The following ROBO1 variants were observed in gnomAD, a reference collection of about 807,000 sequenced individuals.
The protein encoded by ROBO1 is roundabout guidance receptor 1, also known as roundabout homolog 1.
A neutral mutation model predicts 195.9 loss-of-function variants in ROBO1; 149 were observed. The ratio of observed to expected loss-of-function variants is 0.76; its 90% CI spans 0.67 to 0.87. The LOEUF is 0.87. Ranked by LOEUF, ROBO1 falls within the 40% of genes least tolerant of loss-of-function variation. The pLI is 0.00. For missense variants in ROBO1, 1,933 were observed against 2,068.3 expected, an observed-to-expected ratio of 0.93 and a Z score of 1.27; for synonymous variants, 816 against 733.2, an observed-to-expected ratio of 1.11 and a Z score of -1.82.
chr3:79,325,254 G>C (rs143131163), intron 2 of ROBO1, among the ~76,000 whole-genome samples: 8 of 152,160 alleles, frequency 5.3e-5, no homozygotes, highest in African/African-American at 1.9e-4. Flanking sequence ...TGAACTTCTT[G>C]GAATACTGCT....
chr3:79,282,840 T>C (rs1200981650), intron 2 of ROBO1, among the ~76,000 whole-genome samples: 1 of 152,128 alleles, frequency 6.6e-6, no homozygotes, highest in East Asian at 1.9e-4. Flanking sequence ...AAACCAGAGA[T>C]ACTACTCCTG....
chr3:79,385,609 C>T (rs2036715119), intron 2 of ROBO1, among the ~76,000 whole-genome samples: 1 of 152,052 alleles, frequency 6.6e-6, no homozygotes, highest in Non-Finnish European at 1.5e-5. Context: ...TCAGTTGTGA[C>T]CTTAAAACTT....
At chr3:79,476,285 T>C (rs1938542705) in intron 2 of ROBO1, among the ~76,000 whole-genome samples, 1 of 152,136 alleles carries the variant, frequency 6.6e-6, no homozygotes, top group South Asian at 2.1e-4. Context: ...TTTGCACTGC[T>C]GGTGGGAATG....
intron 2 of ROBO1, among the ~76,000 whole-genome samples, chr3:79,525,014 A>G (rs1477318483): frequency 6.6e-6 from 1 of 151,942 alleles, no homozygotes; most frequent in Non-Finnish European, 1.5e-5. Flanking sequence ...AGTTTCAGAC[A>G]TATCTATTAA....
At chr3:78,746,075 G>T (rs1028231239) in intron 5 of ROBO1, among the ~76,000 whole-genome samples, 1 of 152,138 alleles carries the variant, frequency 6.6e-6, no homozygotes, top group Non-Finnish European at 1.5e-5. Flanking sequence ...GGTGACTGAG[G>T]TGCTTTAGCC....
At position 78,627,347 on chromosome 3, in the gene ROBO1, GC is replaced by G; in HGVS notation, c.3848del (p.Gly1283AlafsTer14). On this transcript the variant is annotated frameshift_variant, in exon 26 of 31. Transcript: ENST00000464233. LOFTEE classifies it high-confidence loss of function. ...PMLQDCPEETGHMQHQPDRRR... is the reference protein window; with the variant it reads ...PMLQDCPEETXHMQHQPDRRR... Reference sequence around the variant, plus strand: ...TCCTGTCGGGCTGGTGCTGCATGTGGCCAGTCTCCTCTGGACAATCCTGTAA... The same window carrying G: ...TCCTGTCGGGCTGGTGCTGCATGTGGCAGTCTCCTCTGGACAATCCTGTAA... 6.2e-7 allele frequency: 1 copy of G among 1,612,508 alleles called. No homozygotes were observed. Among genetic ancestry groups the G allele is most frequent in the Non-Finnish European group, 8.5e-7 (1 of 1,179,250 alleles).
chr3:78,737,176 T>A (rs942923335), intron 5 of ROBO1, among the ~76,000 whole-genome samples: 3 of 152,146 alleles, frequency 2.0e-5, no homozygotes, highest in African/African-American at 7.2e-5. Context: ...TCACCCAAAA[T>A]ACCCCTAGTG....
chr3:78,607,366 C>G (rs1703528753), intron 28 of ROBO1: 1 of 235,850 alleles, frequency 4.2e-6, no homozygotes, highest in South Asian at 7.8e-5. Flanking sequence ...GCATGCACCA[C>G]CACACCTGGC....
chr3:78,768,892 G>C (rs9637502), intron 4 of ROBO1, among the ~76,000 whole-genome samples: 1 of 145,086 alleles, frequency 6.9e-6, no homozygotes, highest in South Asian at 2.2e-4. Flanking sequence ...TCCCACCTAT[G>C]AGTGAGAATA....
At chr3:79,025,803 A>G (rs1003853358) in intron 3 of ROBO1, among the ~76,000 whole-genome samples, 1 of 152,160 alleles carries the variant, frequency 6.6e-6, no homozygotes. Flanking sequence ...AACATTCACA[A>G]GAAGCAAACC....
intron 1 of ROBO1, among the ~76,000 whole-genome samples, chr3:79,713,545 A>G (rs1389802466): frequency 6.6e-6 from 1 of 152,142 alleles, no homozygotes; most frequent in South Asian, 2.1e-4. Flanking sequence ...AAATAACAAT[A>G]GAACTAGAAT....
intron 30 of ROBO1, among the ~76,000 whole-genome samples, chr3:78,599,193 TGTTGA>T (rs994512733): frequency 4.3e-4 from 65 of 152,210 alleles, no homozygotes; most frequent in African/African-American, 1.4e-3. Context: ...GGAAGGAATG[TGTTGA>T]GTTATCTAAT....
intron 2 of ROBO1, among the ~76,000 whole-genome samples, chr3:79,299,615 T>C (rs1171362389): frequency 1.3e-5 from 2 of 152,200 alleles, no homozygotes; most frequent in Non-Finnish European, 2.9e-5. Context: ...AATAATATAT[T>C]CATTTTGGAG....
chr3:79,767,346 C>T (rs1011946361), intron 1 of ROBO1, among the ~76,000 whole-genome samples: 1 of 152,164 alleles, frequency 6.6e-6, no homozygotes, highest in African/African-American at 2.4e-5. Flanking sequence ...GCAAATTCCG[C>T]TGTGTGCCCC....
intron 1 of ROBO1, among the ~76,000 whole-genome samples, chr3:79,712,385 A>G (rs1375082288): frequency 6.6e-6 from 1 of 152,272 alleles, no homozygotes; most frequent in Non-Finnish European, 1.5e-5. Context: ...TGAATAGAAG[A>G]TGAAACAAGC....
At chr3:79,280,803 A>T (rs1364021394) in intron 2 of ROBO1, among the ~76,000 whole-genome samples, 1 of 152,220 alleles carries the variant, frequency 6.6e-6, no homozygotes, top group East Asian at 1.9e-4. Context: ...TGCAACCTAC[A>T]TTGCTCGCAT....
intron 2 of ROBO1, among the ~76,000 whole-genome samples, chr3:79,302,798 C>G (rs2033025251): frequency 6.6e-6 from 1 of 151,760 alleles, no homozygotes; most frequent in Non-Finnish European, 1.5e-5. Flanking sequence ...CCTAAATTGA[C>G]ATCATATTAA....
chr3:79,709,913 G>T (rs1702207727), intron 1 of ROBO1, among the ~76,000 whole-genome samples: 1 of 152,120 alleles, frequency 6.6e-6, no homozygotes, highest in Non-Finnish European at 1.5e-5. Context: ...CAGGAAGTCT[G>T]CCCTCACCAG....
chr3:78,714,525 C>G lies in ROBO1; in HGVS notation c.918-1G>C, dbSNP rs9647398. On this transcript the variant is annotated splice_acceptor_variant, in intron 7 of 30. Coordinates refer to ENST00000464233, the MANE Select transcript of ROBO1 (RefSeq NM_002941.4). LOFTEE classifies it high-confidence loss of function. Reference sequence around the variant, plus strand: ...GGTATGATCATCTCGGATTTCATATCTAATGACATAACAAAAGAAAGCACA... The same window carrying G: ...GGTATGATCATCTCGGATTTCATATGTAATGACATAACAAAAGAAAGCACA... 1 of 1,608,720 alleles carries G rather than the reference C, an allele frequency of 6.2e-7. No homozygotes were observed. The highest frequency in any genetic ancestry group is 8.5e-7 in the Non-Finnish European group (1 of 1,177,784).
Sources: allele counts gnomAD v4.1 joint callset (sites outside exome capture counted in the v4.1 genomes callset), GRCh38; gene constraint gnomAD v4.1.1; transcripts MANE v1.5; gene names NCBI Gene and HGNC (gene_info 2026-07-23, HGNC 2026-07-21).